HAPSTR1: variants seen among roughly 807,000 people sequenced by gnomAD.
HAPSTR1 encodes the protein HUWE1 associated protein modifying stress responses, also known as HUWE1-associated protein modifying stress responses 1.
the HAPSTR1 span, among the ~76,000 whole-genome samples, chr16:9,097,357 C>T: frequency 6.6e-6 from 1 of 151,972 alleles, no homozygotes; most frequent in African/African-American, 2.4e-5. Context: ...ATCCTCCCAC[C>T]TCAGCCACTG....
the HAPSTR1 span, chr16:9,091,753 A>G: frequency 2.5e-6 from 1 of 396,264 alleles, no homozygotes; most frequent in African/African-American, 2.1e-5. Flanking sequence ...GGGGCGTTAG[A>G]CAGGCTGCGG....
the HAPSTR1 span, among the ~76,000 whole-genome samples, chr16:9,097,564 T>G: frequency 6.6e-6 from 1 of 152,182 alleles, no homozygotes; most frequent in Admixed American, 6.5e-5. Flanking sequence ...TGAAAGAATA[T>G]GTTGGTTGCA....
At chr16:9,109,157 A>AT in the HAPSTR1 span, 1 of 152,194 alleles carries the variant, frequency 6.6e-6, no homozygotes, top group African/African-American at 2.4e-5. Flanking sequence ...AGCTTGTCTC[A>AT]TGTTGACAGA....
chr16:9,097,672 G>A, the HAPSTR1 span, among the ~76,000 whole-genome samples: 1 of 152,198 alleles, frequency 6.6e-6, no homozygotes, highest in East Asian at 1.9e-4. Flanking sequence ...TAATTGAGCA[G>A]CCCAGGCTCC....
the HAPSTR1 span, chr16:9,093,004 A>G: frequency 6.2e-7 from 1 of 1,608,644 alleles, no homozygotes. Flanking sequence ...CTACAAAGGT[A>G]AAGATAACCT....
chr16:9,111,915 A>G, the HAPSTR1 span: 4 of 151,996 alleles, frequency 2.6e-5, no homozygotes, highest in South Asian at 2.1e-4. Context: ...TGATTACTGT[A>G]TCTTGCTTTT....
At chr16:9,105,769 C>G in the HAPSTR1 span, 8 of 152,184 alleles carry the variant, frequency 5.3e-5, no homozygotes, top group African/African-American at 7.2e-5. Flanking sequence ...GTGGGTGAGT[C>G]TAAATTCATG....
chr16:9,102,238 G>A, the HAPSTR1 span, among the ~76,000 whole-genome samples: 1 of 152,334 alleles, frequency 6.6e-6, no homozygotes. Context: ...AAGACATACT[G>A]GTGATGTTCT....
the HAPSTR1 span, among the ~76,000 whole-genome samples, chr16:9,096,679 G>A: frequency 6.6e-6 from 1 of 152,170 alleles, no homozygotes; most frequent in Non-Finnish European, 1.5e-5. Flanking sequence ...AATTATTACT[G>A]AGTTTGAGAC....
the HAPSTR1 span, among the ~76,000 whole-genome samples, chr16:9,114,151 TG>T: frequency 6.6e-6 from 1 of 152,116 alleles, no homozygotes. Flanking sequence ...TTGTGCCGGT[TG>T]GGGAAGAGGA....
chr16:9,101,530 CTTTCTT>C, the HAPSTR1 span, among the ~76,000 whole-genome samples: 5 of 152,008 alleles, frequency 3.3e-5, no homozygotes, highest in Non-Finnish European at 5.9e-5. Flanking sequence ...AGTATTTTTT[CTTTCTT>C]TTTAACATCC....
the HAPSTR1 span, chr16:9,092,062 G>A: frequency 6.5e-7 from 1 of 1,529,164 alleles, no homozygotes; most frequent in Non-Finnish European, 8.8e-7. Context: ...AGCGGAAGGA[G>A]GAGGGCGAGG....
chr16:9,098,447 TC>T, the HAPSTR1 span, among the ~76,000 whole-genome samples: 1 of 152,214 alleles, frequency 6.6e-6, no homozygotes, highest in African/African-American at 2.4e-5. Flanking sequence ...GGATGCCACT[TC>T]CTTAGGGAAT....
the HAPSTR1 span, chr16:9,121,173 T>G: frequency 1.3e-5 from 2 of 152,244 alleles, no homozygotes; most frequent in Non-Finnish European, 2.9e-5. Context: ...AGGCCAGTCT[T>G]GAATTCCTGA....
the HAPSTR1 span, among the ~76,000 whole-genome samples, chr16:9,099,672 G>A: frequency 1.3e-4 from 20 of 152,168 alleles, no homozygotes; most frequent in African/African-American, 4.8e-4. Context: ...CTGTTTTTCT[G>A]GGATAGGTAC....
At chr16:9,096,729 C>T in the HAPSTR1 span, among the ~76,000 whole-genome samples, 70,993 of 151,914 alleles carry the variant, frequency 0.47, 17,325 homozygotes, top group African/African-American at 0.6. Context: ...AGTGAGAAAC[C>T]CTAAGCATTA....
At chr16:9,118,788 C>G in the HAPSTR1 span, 1 of 152,632 alleles carries the variant, frequency 6.6e-6, no homozygotes, top group Non-Finnish European at 1.5e-5. Flanking sequence ...CAATGTGTTG[C>G]TCACAAGTGG....
the HAPSTR1 span, chr16:9,109,778 T>G: frequency 6.6e-6 from 1 of 151,738 alleles, no homozygotes; most frequent in African/African-American, 2.4e-5. Context: ...TTTCAAAACA[T>G]AAAGGAAAAA....
the HAPSTR1 span, chr16:9,108,900 C>G: frequency 6.6e-6 from 1 of 152,180 alleles, no homozygotes; most frequent in Non-Finnish European, 1.5e-5. Flanking sequence ...TGGAAGTATT[C>G]TTTGCCTTAA....
Sources: allele counts gnomAD v4.1 joint callset (sites outside exome capture counted in the v4.1 genomes callset), GRCh38; gene constraint gnomAD v4.1.1; transcripts MANE v1.5; gene names NCBI Gene and HGNC (gene_info 2026-07-23, HGNC 2026-07-21).